OR52N4: variants seen among roughly 807,000 people sequenced by gnomAD.
The protein encoded by OR52N4 is olfactory receptor family 52 subfamily N member 4.
Under a neutral mutation model 15.0 loss-of-function variants are expected in OR52N4, and 15 were observed. The observed-to-expected ratio is 1.00, with a 90% confidence interval of 0.67 to 1.54. The LOEUF is 1.54. OR52N4 is among the 40% of genes most tolerant of loss of function. The pLI, the probability that OR52N4 is intolerant of heterozygous loss-of-function variation, is 0.00. For synonymous variants in OR52N4, 143 were observed against 143.7 expected, an observed-to-expected ratio of 1.00 and a Z score of 0.03; for missense variants, 421 against 394.0, an observed-to-expected ratio of 1.07 and a Z score of -0.58.
chr11:5,746,932 T>C, the OR52N4 span, among the ~76,000 whole-genome samples: 1 of 151,524 alleles, frequency 6.6e-6, no homozygotes, highest in Non-Finnish European at 1.5e-5. Context: ...GATGACAGGA[T>C]AAAGAAAATG....
the OR52N4 span, among the ~76,000 whole-genome samples, chr11:5,730,604 A>T: frequency 4.6e-5 from 7 of 151,568 alleles, no homozygotes; most frequent in East Asian, 1.4e-3. Flanking sequence ...CTTTTCTTTC[A>T]TGTCTCTAAT....
the OR52N4 span, among the ~76,000 whole-genome samples, chr11:5,740,465 T>G: frequency 7.8e-6 from 1 of 127,496 alleles, no homozygotes; most frequent in Non-Finnish European, 1.7e-5. Flanking sequence ...GATGCTCTTA[T>G]CTCCTGAAGT....
At chr11:5,746,213 T>C in the OR52N4 span, among the ~76,000 whole-genome samples, 1 of 152,096 alleles carries the variant, frequency 6.6e-6, no homozygotes, top group Non-Finnish European at 1.5e-5. Context: ...GAAGAAAACC[T>C]AGGAAAAATT....
At chr11:5,727,375 G>A in the OR52N4 span, 1 of 152,244 alleles carries the variant, frequency 6.6e-6, no homozygotes, top group African/African-American at 2.4e-5. Flanking sequence ...TAATCCTGTG[G>A]TATATGGAGT....
the OR52N4 span, among the ~76,000 whole-genome samples, chr11:5,746,970 G>GC: frequency 9.2e-6 from 1 of 108,708 alleles, no homozygotes; most frequent in Non-Finnish European, 2.0e-5. Flanking sequence ...AGTGGCTCAT[G>GC]CCTATAATGC....
the OR52N4 span, chr11:5,736,349 G>T: frequency 1.6e-6 from 1 of 630,208 alleles, no homozygotes. Flanking sequence ...ATCAAGTCAA[G>T]TAACACTGAG....
upstream of OR52N4, among the ~76,000 whole-genome samples, chr11:5,753,575 A>T (rs1228712298): frequency 2.6e-5 from 4 of 152,208 alleles, no homozygotes; most frequent in Admixed American, 2.6e-4. Flanking sequence ...ATATCTTGAA[A>T]AGTGAAAAAA....
chr11:5,733,150 A>G, the OR52N4 span, among the ~76,000 whole-genome samples: 1 of 152,194 alleles, frequency 6.6e-6, no homozygotes, highest in Non-Finnish European at 1.5e-5. Flanking sequence ...CATTGCTGCC[A>G]TGCCTAAATT....
the OR52N4 span, among the ~76,000 whole-genome samples, chr11:5,734,514 T>A: frequency 6.6e-6 from 1 of 152,152 alleles, no homozygotes. Context: ...CTGTTTTATA[T>A]AGCAGAATCG....
At chr11:5,729,026 C>G in the OR52N4 span, among the ~76,000 whole-genome samples, 2 of 151,874 alleles carry the variant, frequency 1.3e-5, no homozygotes, top group Non-Finnish European at 2.9e-5. Flanking sequence ...TCTCCTAATG[C>G]CATCCCTCCC....
upstream of OR52N4, among the ~76,000 whole-genome samples, chr11:5,750,349 T>C (rs987470687): frequency 1.3e-5 from 2 of 152,036 alleles, no homozygotes; most frequent in Non-Finnish European, 2.9e-5. Flanking sequence ...CATAATTCAT[T>C]AAGACATTAA....
At position 5,754,695 on chromosome 11, in the gene OR52N4, A is replaced by G; in HGVS notation, c.-46A>G. On this transcript the variant is annotated splice_region_variant and 5_prime_UTR_variant, in exon 2 of 2. Transcript: ENST00000641350. ...CTTGTTTTTTTTTTTAACTCTAGGA[A>G]AGCCCAGACAAATTTTGAGCTATTT... 6.5e-7 allele frequency: 1 copy of G among 1,529,570 alleles called. No individual in the cohort carries two copies. Among genetic ancestry groups the G allele is most frequent in the Non-Finnish European group, 8.8e-7 (1 of 1,139,984 alleles). 94.7% of individuals were successfully genotyped at this position (1,529,570 alleles called of 1,614,324 possible).
the OR52N4 span, among the ~76,000 whole-genome samples, chr11:5,746,176 A>T: frequency 6.6e-6 from 1 of 152,206 alleles, no homozygotes; most frequent in Non-Finnish European, 1.5e-5. Flanking sequence ...AGACTTAATC[A>T]TAAGATCTAA....
the OR52N4 span, chr11:5,738,410 G>A: frequency 3.9e-5 from 6 of 152,258 alleles, no homozygotes; most frequent in Non-Finnish European, 8.8e-5. Flanking sequence ...GGCTGATAAA[G>A]GCTTCCTGAT....
the OR52N4 span, chr11:5,734,329 C>T: frequency 5.2e-6 from 2 of 383,332 alleles, no homozygotes. Context: ...CAACATTCTG[C>T]AAAAAGATTG....
chr11:5,736,963 A>T, the OR52N4 span: 1 of 1,614,048 alleles, frequency 6.2e-7, no homozygotes, highest in Non-Finnish European at 8.5e-7. Flanking sequence ...CCAGTTCCTT[A>T]ATCTTAAAAG....
At chr11:5,749,952 A>T (rs1488414273), upstream of OR52N4, among the ~76,000 whole-genome samples, 1 of 151,978 alleles carries the variant, frequency 6.6e-6, no homozygotes, top group Non-Finnish European at 1.5e-5. Context: ...AGAAAATTGC[A>T]TACGTTTGTA....
At chr11:5,740,775 C>A in the OR52N4 span, among the ~76,000 whole-genome samples, 1 of 126,250 alleles carries the variant, frequency 7.9e-6, no homozygotes, top group Non-Finnish European at 1.7e-5. Context: ...CCACTGCACT[C>A]CAGCCTAGTG....
At chr11:5,727,511 T>C in the OR52N4 span, 1 of 152,114 alleles carries the variant, frequency 6.6e-6, no homozygotes, top group East Asian at 1.9e-4. Context: ...AAAAACCTTT[T>C]CAAGATAATC....
Sources: allele counts gnomAD v4.1 joint callset (sites outside exome capture counted in the v4.1 genomes callset), GRCh38; gene constraint gnomAD v4.1.1; transcripts MANE v1.5; gene names NCBI Gene and HGNC (gene_info 2026-07-23, HGNC 2026-07-21).